Variants in MRPL27 observed in about 807,000 individuals in gnomAD.
The protein encoded by MRPL27 is mitochondrial ribosomal protein L27, also known as large ribosomal subunit protein bL27m.
MRPL27 carries 4 observed loss-of-function variants against 14.6 expected under a neutral mutation model. The ratio of observed to expected loss-of-function variants is 0.27; its 90% CI spans 0.14 to 0.63. MRPL27 has a LOEUF of 0.63. Ranked by LOEUF, MRPL27 falls within the 20% of genes least tolerant of loss-of-function variation. The pLI, the probability that MRPL27 is intolerant of heterozygous loss-of-function variation, is 0.85. For synonymous variants in MRPL27, 82 were observed against 75.5 expected (o/e 1.09, Z -0.45); for missense variants, 196 against 192.8 (o/e 1.02, Z -0.10).
At chr17:50,369,565 T>A in intron 3 of MRPL27, 1 of 210,960 alleles carries the variant, frequency 4.7e-6, no homozygotes, top group Non-Finnish European at 9.4e-6. Flanking sequence ...CACTGAATTC[T>A]ATTTCATTAA....
chr17:50,373,067 C>A, intron 1 of MRPL27, 64 bp downstream of exon 1: 1 of 1,608,500 alleles, frequency 6.2e-7, no homozygotes, highest in East Asian at 2.2e-5. Flanking sequence ...ACCTCCTTCC[C>A]TCCCTGCTGG....
chr17:50,368,090 C>T lies in MRPL27; in HGVS notation c.*2G>A, dbSNP rs138569619. On this transcript the variant is annotated 3_prime_UTR_variant, in exon 4 of 4. Transcript: ENST00000225969. The stretch of plus-strand genomic sequence containing the variant: ...TCTCTGTCCGATGGCCTCAACAGGA[C>T]ATCAAAGCATAGCTACCAGTTTGAA... 5.8e-3 allele frequency: 9,435 copies of T among 1,614,116 alleles called. 37 individuals are homozygous for T. Among genetic ancestry groups the T allele is most frequent in the Non-Finnish European group, 7.1e-3 (8,376 of 1,179,982 alleles).
chr17:50,368,054 C>T lies in MRPL27; in HGVS notation c.*38G>A, dbSNP rs771091135. 1.7e-5 allele frequency: 27 copies of T among 1,610,028 alleles called. No homozygotes were observed. Among genetic ancestry groups the T allele is most frequent in the Admixed American group, 5.0e-5 (3 of 59,918 alleles). ...TTCTGGTATCACCATCTCCTGTCAC[C>T]TGGGCTCCAGTCTCTGTCCGATGGC... On this transcript the variant is annotated 3_prime_UTR_variant, in exon 4 of 4. Coordinates refer to ENST00000225969, the MANE Select transcript of MRPL27 (RefSeq NM_016504.3).
rs1398041734 is a variant in MRPL27, at chr17:50,370,726, AG to A, written c.41-141del. ...GAGCAGAAGTGCCACTGAGTGTATT[AG>A]TTCTCAGGGAATACCTCTAAGTCCT... On this transcript the variant is annotated intron_variant, in intron 1 of 3. Transcript: ENST00000225969. 3 of 1,060,582 alleles carry A rather than the reference AG, an allele frequency of 2.8e-6. No individual in the cohort carries two copies. The Admixed American group carries it at 6.3e-5, about 22-fold the overall frequency. The allele number at this position is 1,060,582 out of a possible 1,614,324, so 65.7% of individuals were successfully genotyped here.
At chr17:50,369,198 G>A (rs1433123802) in intron 3 of MRPL27, 2 of 296,526 alleles carry the variant, frequency 6.7e-6, no homozygotes, top group Admixed American at 9.8e-5. Context: ...ATCATAAAGG[G>A]CCTAGAATAC....
intron 3 of MRPL27, chr17:50,368,595 T>C (rs1331788654): frequency 3.4e-6 from 2 of 591,670 alleles, no homozygotes; most frequent in Non-Finnish European, 6.0e-6. Context: ...ACTGCACAAA[T>C]CCCAAAACCC....
chr17:50,373,093 C>A, intron 1 of MRPL27, 38 bp downstream of exon 1: 2 of 1,613,510 alleles, frequency 1.2e-6, no homozygotes, highest in Non-Finnish European at 1.7e-6. Flanking sequence ...CACTCTGCCT[C>A]CCCGCCTCAC....
chr17:50,372,264 G>GC (rs1913184304), intron 1 of MRPL27, among the ~76,000 whole-genome samples: 1 of 151,378 alleles, frequency 6.6e-6, no homozygotes, highest in African/African-American at 2.4e-5. Flanking sequence ...TTGGGGGGGG[G>GC]GGATAGGGCC....
chr17:50,370,914 A>G (rs1350507422), intron 1 of MRPL27: 1 of 277,120 alleles, frequency 3.6e-6, no homozygotes, highest in South Asian at 4.0e-5. Context: ...ACCCTCATGC[A>G]CCACGGAGGG....
intron 3 of MRPL27, 21 bp from the exon 4 acceptor site, chr17:50,368,319 C>A: frequency 2.1e-6 from 1 of 482,526 alleles, no homozygotes; most frequent in South Asian, 2.3e-5. Flanking sequence ...CAGACCTGGT[C>A]AGCTGGTCAG....
intron 2 of MRPL27, 76 bp from the exon 3 acceptor site, chr17:50,370,175 C>T: frequency 6.9e-7 from 1 of 1,447,858 alleles, no homozygotes; most frequent in Non-Finnish European, 9.4e-7. Context: ...ATGCTGCACA[C>T]CAACCTCCAA....
intron 3 of MRPL27, chr17:50,368,586 C>G (rs1231870942): frequency 3.4e-6 from 2 of 593,122 alleles, no homozygotes; most frequent in South Asian, 2.1e-5. Flanking sequence ...AGAAGCCACA[C>G]TGCACAAATC....
At chr17:50,368,604 C>T in intron 3 of MRPL27, 1 of 591,730 alleles carries the variant, frequency 1.7e-6, no homozygotes, top group East Asian at 2.8e-5. Context: ...ATCCCAAAAC[C>T]CAGGAAGATG....
chr17:50,371,135 G>A (rs1355341966), intron 1 of MRPL27: 1 of 153,280 alleles, frequency 6.5e-6, no homozygotes, highest in African/African-American at 2.4e-5. Flanking sequence ...TGGGATTACA[G>A]GTGTACGCCA....
At chr17:50,368,911 G>A (rs1913044281) in intron 3 of MRPL27, 1 of 697,248 alleles carries the variant, frequency 1.4e-6, no homozygotes, top group African/African-American at 1.8e-5. Flanking sequence ...AAACTGTGTT[G>A]TATATACAGT....
chr17:50,370,620 C>T (rs1350669560), intron 1 of MRPL27, 34 bp from the exon 2 acceptor site: 1 of 1,612,376 alleles, frequency 6.2e-7, no homozygotes, highest in Non-Finnish European at 8.5e-7. Flanking sequence ...TTCAGACAGA[C>T]AGGCTCAAAC....
At chr17:50,369,409 T>C (rs936441033) in intron 3 of MRPL27, 1 of 157,440 alleles carries the variant, frequency 6.4e-6, no homozygotes, top group Non-Finnish European at 1.4e-5. Context: ...GAGGGGAAAC[T>C]GTTTACAAAG....
At chr17:50,368,333 G>C (rs779292144) in intron 3 of MRPL27, 35 bp from the exon 4 acceptor site, 1 of 1,603,430 alleles carries the variant, frequency 6.2e-7, no homozygotes, top group South Asian at 1.1e-5. Context: ...TGGTCAGCTG[G>C]TCAGCGAGGT....
intron 1 of MRPL27, chr17:50,372,770 G>C (rs1480514311): frequency 3.2e-6 from 1 of 310,726 alleles, no homozygotes; most frequent in African/African-American, 2.2e-5. Flanking sequence ...CTACCGCCGT[G>C]TCTAGCACAA....
Sources: gnomAD v4.1 joint callset for allele counts (sites outside exome capture counted in the v4.1 genomes callset) on GRCh38, gnomAD v4.1.1 for gene constraint, MANE v1.5 for transcripts, NCBI Gene and HGNC (gene_info 2026-07-23, HGNC 2026-07-21) for gene names.